IMMP2L: variants seen among roughly 807,000 people sequenced by gnomAD.
The protein encoded by IMMP2L is inner mitochondrial membrane peptidase subunit 2.
A neutral mutation model predicts 19.3 loss-of-function variants in IMMP2L; 18 were observed. That is an observed-to-expected ratio of 0.93 (90% CI 0.64 to 1.38). The LOEUF is 1.38. Ranked by LOEUF, IMMP2L falls within the 40% of genes most tolerant of loss-of-function variation. The pLI is 0.00. For synonymous variants in IMMP2L, 76 were observed against 73.0 expected, an observed-to-expected ratio of 1.04 and a Z score of -0.21; for missense variants, 233 against 218.2, an observed-to-expected ratio of 1.07 and a Z score of -0.43.
At chr7:111,328,372 C>A (rs188916010) in intron 3 of IMMP2L, among the ~76,000 whole-genome samples, 1 of 151,706 alleles carries the variant, frequency 6.6e-6, no homozygotes, top group South Asian at 2.1e-4. Flanking sequence ...TAGGAGCCCA[C>A]AGAATGATAC....
At chr7:110,816,035 C>G (rs1802477799) in intron 5 of IMMP2L, among the ~76,000 whole-genome samples, 1 of 152,036 alleles carries the variant, frequency 6.6e-6, no homozygotes, top group South Asian at 2.1e-4. Flanking sequence ...TCTTGCTTTT[C>G]CAGTTCTTTT....
intron 3 of IMMP2L, among the ~76,000 whole-genome samples, chr7:111,036,774 T>C (rs1487401500): frequency 6.6e-6 from 1 of 152,176 alleles, no homozygotes; most frequent in Non-Finnish European, 1.5e-5. Context: ...GATAACTTTA[T>C]AGTTTCTGAG....
At chr7:111,475,555 T>C (rs1445621389) in intron 3 of IMMP2L, among the ~76,000 whole-genome samples, 1 of 152,132 alleles carries the variant, frequency 6.6e-6, no homozygotes, top group African/African-American at 2.4e-5. Context: ...GGTATCTTTA[T>C]TTAGCAAGAA....
intron 4 of IMMP2L, among the ~76,000 whole-genome samples, chr7:110,957,826 C>G (rs991399686): frequency 2.0e-5 from 3 of 151,964 alleles, no homozygotes; most frequent in African/African-American, 7.2e-5. Context: ...TTTCAGTGAA[C>G]ATCCTACAGC....
intron 3 of IMMP2L, among the ~76,000 whole-genome samples, chr7:111,167,570 A>C (rs920220637): frequency 6.6e-6 from 1 of 151,942 alleles, no homozygotes; most frequent in Non-Finnish European, 1.5e-5. Flanking sequence ...CAAACTCCAC[A>C]AAACAAATGG....
At chr7:111,105,425 C>T (rs1798436362) in intron 3 of IMMP2L, among the ~76,000 whole-genome samples, 1 of 151,828 alleles carries the variant, frequency 6.6e-6, no homozygotes, top group Non-Finnish European at 1.5e-5. Context: ...CACAACAGTA[C>T]ATAAATTGAC....
At position 110,749,540 on chromosome 7, in the gene IMMP2L, T is replaced by C. The variant is rs1797594554; in HGVS notation, c.409-85819A>G. Among the ~76,000 whole-genome samples, 3 of 152,246 alleles carry C rather than the reference T, an allele frequency of 2.0e-5. No homozygotes were observed. In the South Asian group the frequency reaches 6.2e-4, roughly 32 times the overall value. On this transcript the variant is annotated intron_variant, in intron 5 of 5. Coordinates refer to ENST00000405709, the MANE Select transcript of IMMP2L (RefSeq NM_032549.4). ...GGCTGGATAAAGAAAATGTGGCACA[T>C]ATACACCATGGAATACTATGCATCC... is the stretch of plus-strand genomic sequence containing the variant.
At chr7:111,219,042 G>T (rs1319802218) in intron 3 of IMMP2L, among the ~76,000 whole-genome samples, 1 of 151,962 alleles carries the variant, frequency 6.6e-6, no homozygotes, top group African/African-American at 2.4e-5. Flanking sequence ...TGAAAACAGG[G>T]CATGAAATAG....
intron 4 of IMMP2L, among the ~76,000 whole-genome samples, chr7:110,939,252 C>T (rs565003905): frequency 1.3e-5 from 2 of 151,970 alleles, no homozygotes; most frequent in Non-Finnish European, 2.9e-5. Flanking sequence ...TACAAATTAC[C>T]GATCCCTGGG....
intron 3 of IMMP2L, among the ~76,000 whole-genome samples, chr7:111,229,456 T>A (rs966562795): frequency 1.3e-5 from 2 of 151,954 alleles, no homozygotes; most frequent in African/African-American, 4.8e-5. Flanking sequence ...TTCCTTAGGG[T>A]TGAAATTATC....
At chr7:111,294,573 A>G (rs1305375100) in intron 3 of IMMP2L, among the ~76,000 whole-genome samples, 1 of 151,936 alleles carries the variant, frequency 6.6e-6, no homozygotes, top group African/African-American at 2.4e-5. Context: ...AGAAGAAAAG[A>G]TTATAAATTT....
intron 5 of IMMP2L, among the ~76,000 whole-genome samples, chr7:110,824,603 A>G (rs1297131404): frequency 6.6e-6 from 1 of 152,008 alleles, no homozygotes; most frequent in Non-Finnish European, 1.5e-5. Flanking sequence ...CCTGGACTCA[A>G]GAGATACTCC....
chr7:110,899,572 T>A (rs969331614), intron 4 of IMMP2L, among the ~76,000 whole-genome samples: 1 of 152,160 alleles, frequency 6.6e-6, no homozygotes, highest in African/African-American at 2.4e-5. Context: ...CCAAATTGCT[T>A]CAGCCTACAT....
chr7:110,754,204 G>A (rs116520459), intron 5 of IMMP2L, among the ~76,000 whole-genome samples: 76 of 152,060 alleles, frequency 5.0e-4, no homozygotes, highest in African/African-American at 1.8e-3. Flanking sequence ...GAAAAAGTAA[G>A]GTAATGAATG....
chr7:111,304,746 C>T (rs1350417649), intron 3 of IMMP2L, among the ~76,000 whole-genome samples: 1 of 133,340 alleles, frequency 7.5e-6, no homozygotes, highest in Non-Finnish European at 1.6e-5. Flanking sequence ...GAAATTAAAC[C>T]ATCTGAATTA....
rs549149804 is a variant in IMMP2L, at chr7:110,976,556, A to G, written c.240-12991T>C. On this transcript the variant is annotated intron_variant, in intron 3 of 5. Transcript: ENST00000405709. ...CAACTGAGATTTTAAAAAATTTTAT[A>G]ACTCATTTCTTTTCAAGAATATTTA... 3.3e-5 allele frequency among the ~76,000 whole-genome samples: 5 copies of G among 152,198 alleles called. No individual in the cohort carries two copies. In the East Asian group the frequency reaches 9.6e-4, roughly 29 times the overall value.
chr7:111,212,002 C>CA lies in IMMP2L; in HGVS notation c.240-248438dup, dbSNP rs952573027. Among the ~76,000 whole-genome samples, 61 of 151,428 alleles carry CA rather than the reference C, an allele frequency of 4.0e-4. No homozygotes were observed. The Middle Eastern group carries it at 0.01, about 26-fold the overall frequency. On this transcript the variant is annotated intron_variant, in intron 3 of 5. Coordinates refer to ENST00000405709, the MANE Select transcript of IMMP2L (RefSeq NM_032549.4). Reference sequence around the variant, plus strand: ...ACAGAGCAAGACTCCGTCTCAAAAACAAAAAAAAGAAGATTGAAATCCTGT... The same window carrying CA: ...ACAGAGCAAGACTCCGTCTCAAAAACAAAAAAAAAGAAGATTGAAATCCTGT...
chr7:111,255,234 A>T (rs1816577450), intron 3 of IMMP2L, among the ~76,000 whole-genome samples: 1 of 152,150 alleles, frequency 6.6e-6, no homozygotes, highest in South Asian at 2.1e-4. Context: ...ATAATTAAAG[A>T]AAACTAACAA....
Position 110,941,089 on chromosome 7 carries a change from C to G in IMMP2L, c.305+22411G>C, listed in dbSNP as rs182420765. Among the ~76,000 whole-genome samples the G allele has an allele frequency of 3.9e-5, 6 of 152,260 alleles. No individual in the cohort carries two copies. The East Asian group carries it at 1.2e-3, about 29-fold the overall frequency. On this transcript the variant is annotated intron_variant, in intron 4 of 5. Coordinates refer to ENST00000405709, the MANE Select transcript of IMMP2L (RefSeq NM_032549.4). ...CTCTCTTTAAAATGGAAGTAAGAAC[C>G]TAGAGTAACAATACCCCTTTAGGTT...
Sources: allele counts gnomAD v4.1 joint callset (sites outside exome capture counted in the v4.1 genomes callset), GRCh38; gene constraint gnomAD v4.1.1; transcripts MANE v1.5; gene names NCBI Gene and HGNC (gene_info 2026-07-23, HGNC 2026-07-21).